MYCT1: variants seen among roughly 807,000 people sequenced by gnomAD.
MYCT1 encodes the protein myc target protein 1.
A neutral mutation model predicts 15.0 loss-of-function variants in MYCT1; 12 were observed. The observed-to-expected ratio is 0.80, with a 90% CI of 0.51 to 1.29. The LOEUF is 1.29. Ranked by LOEUF, MYCT1 falls within the 50% of genes most tolerant of loss-of-function variation. The pLI, the probability that MYCT1 is intolerant of heterozygous loss-of-function variation, is 0.00. For synonymous variants in MYCT1, 104 were observed against 102.7 expected, an observed-to-expected ratio of 1.01 and a Z score of -0.07; for missense variants, 287 against 279.1, an observed-to-expected ratio of 1.03 and a Z score of -0.20.
chr6:152,715,731 T>TTAACCA, intron 1 of MYCT1, among the ~76,000 whole-genome samples: 1 of 152,206 alleles, frequency 6.6e-6, no homozygotes, highest in Admixed American at 6.5e-5. Flanking sequence ...AGACCTGAAA[T>TTAACCA]TAACCATACA....
At chr6:152,725,439 A>T (rs957348798), downstream of MYCT1, among the ~76,000 whole-genome samples, 6 of 152,192 alleles carry the variant, frequency 3.9e-5, no homozygotes, top group Non-Finnish European at 5.9e-5. Flanking sequence ...TTTTTCTATC[A>T]CATTAGCTAA....
At chr6:152,699,496 T>G in intron 1 of MYCT1, among the ~76,000 whole-genome samples, 1 of 152,144 alleles carries the variant, frequency 6.6e-6, no homozygotes, top group East Asian at 1.9e-4. Context: ...TAGCTAGCAC[T>G]AGACAGAAGC....
At chr6:152,708,650 C>T (rs1281461132) in intron 1 of MYCT1, among the ~76,000 whole-genome samples, 1 of 151,822 alleles carries the variant, frequency 6.6e-6, no homozygotes, top group East Asian at 1.9e-4. Context: ...TTAATTTTTG[C>T]TCTAGCTAGA....
chr6:152,724,624 G>C (rs749159990), downstream of MYCT1: 1 of 152,014 alleles, frequency 6.6e-6, no homozygotes, highest in Non-Finnish European at 1.5e-5. Flanking sequence ...AAAAAGCAAG[G>C]AGTCAAGAAA....
At chr6:152,731,482 T>A in the MYCT1 span, among the ~76,000 whole-genome samples, 2 of 152,108 alleles carry the variant, frequency 1.3e-5, no homozygotes, top group African/African-American at 2.4e-5. Flanking sequence ...TAACTCGTCA[T>A]TTACATGAGG....
chr6:152,742,856 T>C, the MYCT1 span, among the ~76,000 whole-genome samples: 1 of 152,198 alleles, frequency 6.6e-6, no homozygotes, highest in African/African-American at 2.4e-5. Context: ...GTCATTGATA[T>C]CTGTTTCTAG....
the MYCT1 span, among the ~76,000 whole-genome samples, chr6:152,744,473 A>C: frequency 9.2e-5 from 14 of 152,250 alleles, no homozygotes; most frequent in African/African-American, 3.4e-4. Context: ...AGGAGAGTTT[A>C]ATAAAGAGGT....
At chr6:152,707,370 G>A (rs2099722470) in intron 1 of MYCT1, among the ~76,000 whole-genome samples, 1 of 151,856 alleles carries the variant, frequency 6.6e-6, no homozygotes, top group Non-Finnish European at 1.5e-5. Context: ...TCTTGCTTTT[G>A]TGTTGTGTGA....
chr6:152,727,072 A>T (rs181671370), downstream of MYCT1, among the ~76,000 whole-genome samples: 286 of 151,998 alleles, frequency 1.9e-3, 1 homozygote, highest in African/African-American at 6.4e-3. Context: ...TTAGCCAGGC[A>T]TGGTGGCGGG....
At chr6:152,729,200 A>G (rs571434048), downstream of MYCT1, among the ~76,000 whole-genome samples, 13 of 152,326 alleles carry the variant, frequency 8.5e-5, no homozygotes, top group East Asian at 9.7e-4. Context: ...ATGCAAAGCT[A>G]TAAGTATTGA....
chr6:152,737,125 T>C, the MYCT1 span, among the ~76,000 whole-genome samples: 1 of 152,136 alleles, frequency 6.6e-6, no homozygotes, highest in Non-Finnish European at 1.5e-5. Flanking sequence ...CTGTCTGGCT[T>C]TGAGCAATGC....
chr6:152,736,527 G>T, the MYCT1 span, among the ~76,000 whole-genome samples: 1 of 152,096 alleles, frequency 6.6e-6, no homozygotes, highest in Non-Finnish European at 1.5e-5. Context: ...GATAAATTTT[G>T]AAAGAGAGCT....
At chr6:152,719,025 A>G (rs2099724233) in intron 1 of MYCT1, among the ~76,000 whole-genome samples, 1 of 152,154 alleles carries the variant, frequency 6.6e-6, no homozygotes, top group Non-Finnish European at 1.5e-5. Flanking sequence ...CAATTATTAC[A>G]ATAAATCAAG....
intron 1 of MYCT1, chr6:152,706,190 C>T: frequency 1.1e-6 from 1 of 887,668 alleles, no homozygotes. Flanking sequence ...GGCAGAGTTC[C>T]TCACCAATAA....
rs1296780935 is a variant in MYCT1 at position 152,724,478 on chromosome 6, T to C, written c.*2225T>C. 2.0e-5 allele frequency: 3 copies of C among 152,314 alleles called. No homozygotes were observed. In the East Asian group the frequency reaches 5.8e-4, roughly 29 times the overall value. 9.4% of individuals were successfully genotyped at this position (152,314 alleles called of 1,614,324 possible). A position where few individuals can be genotyped will look rare whatever the true frequency, so the allele number is the denominator to read the frequency against. On this transcript the variant is annotated 3_prime_UTR_variant, in exon 2 of 2. Coordinates refer to ENST00000367245, the MANE Select transcript of MYCT1 (RefSeq NM_025107.3). ...TCCTAAATATTGTGAGTGTATGAAA[T>C]GTGAAATTAAAGCAAAAACTGGAGA...
chr6:152,743,090 C>G, the MYCT1 span, among the ~76,000 whole-genome samples: 4 of 152,096 alleles, frequency 2.6e-5, no homozygotes, highest in Admixed American at 6.5e-5. Context: ...GAATCTCTCT[C>G]TGTCACCCAG....
At chr6:152,699,615 C>A (rs948220695) in intron 1 of MYCT1, among the ~76,000 whole-genome samples, 12 of 151,972 alleles carry the variant, frequency 7.9e-5, no homozygotes, top group Non-Finnish European at 1.8e-4. Context: ...TAGAGTCTGT[C>A]TAAATCAAAT....
At chr6:152,703,945 ATTTTATTTTATTTTATTTTATTTTAT>A (rs1422129423) in intron 1 of MYCT1, among the ~76,000 whole-genome samples, 4 of 30,562 alleles carry the variant, frequency 1.3e-4, no homozygotes, top group Admixed American at 3.7e-4. Flanking sequence ...CCTGTTTTTT[ATTTTATTTTATTTTATTTTATTTTAT>A]TTTATTTTAT....
At chr6:152,718,166 T>C (rs1270810176) in intron 1 of MYCT1, among the ~76,000 whole-genome samples, 2 of 152,158 alleles carry the variant, frequency 1.3e-5, no homozygotes, top group African/African-American at 4.8e-5. Flanking sequence ...GGAAATATTG[T>C]TATAGTTTTA....
Sources: gnomAD v4.1 joint callset for allele counts (sites outside exome capture counted in the v4.1 genomes callset) on GRCh38, gnomAD v4.1.1 for gene constraint, MANE v1.5 for transcripts, NCBI Gene and HGNC (gene_info 2026-07-23, HGNC 2026-07-21) for gene names.